Variants in ADAMTS6 observed in about 807,000 individuals in gnomAD.
The protein encoded by ADAMTS6 is ADAM metallopeptidase with thrombospondin type 1 motif 6, also known as A disintegrin and metalloproteinase with thrombospondin motifs 6.
In ADAMTS6, 23 loss-of-function variants were observed where a neutral mutation model predicts 144.3. That is an observed-to-expected ratio of 0.16 (90% CI 0.11 to 0.23). The LOEUF (loss-of-function observed/expected upper bound fraction) is 0.23. Ranked by LOEUF, ADAMTS6 falls within the 10% of genes least tolerant of loss-of-function variation. ADAMTS6 has a pLI of 1.00. For missense variants in ADAMTS6, 999 were observed against 1,379.6 expected (o/e 0.72, Z 4.37); for synonymous variants, 444 against 457.5 (o/e 0.97, Z 0.38).
intron 11 of ADAMTS6, among the ~76,000 whole-genome samples, chr5:65,275,399 GAAA>G (rs1561364314): frequency 5.5e-5 from 6 of 109,966 alleles, no homozygotes; most frequent in African/African-American, 2.0e-4. Context: ...AAGAAAGAAA[GAAA>G]GAAAGAAAGA....
chr5:65,344,919 G>C (rs192128659), intron 7 of ADAMTS6, among the ~76,000 whole-genome samples: 99 of 151,786 alleles, frequency 6.5e-4, no homozygotes, highest in African/African-American at 2.3e-3. Context: ...CTTTTCAATG[G>C]ATTTCCTGAA....
Position 65,260,629 on chromosome 5 carries a change from T to C in ADAMTS6, c.1801A>G (p.Arg601Gly), listed in dbSNP as rs779252738. ...SGGGKYCLGE[R>G]KRYRSCNTDP... ...GTGTTACAGGAGCGATACCGTTTCC[T>C]TTCCCCAAGGCAATATTTTCCACCT... The change falls in exon 14 of 25, where the codon AGG becomes GGG. Residue 601 changes from arginine (R) to glycine (G), a missense_variant. Physicochemically the swap from Arg to Gly is moderately radical, Grantham distance 125. Transcript: ENST00000381055. 6.2e-7 allele frequency: 1 copy of C among 1,613,634 alleles called. No homozygotes were observed. Among genetic ancestry groups the C allele is most frequent in the Non-Finnish European group, 8.5e-7 (1 of 1,179,774 alleles).
At chr5:65,332,379 T>A (rs533606253) in intron 8 of ADAMTS6, among the ~76,000 whole-genome samples, 121 of 150,820 alleles carry the variant, frequency 8.0e-4, no homozygotes, top group African/African-American at 2.7e-3. Flanking sequence ...TATATACACA[T>A]TTCTTCAAAT....
intron 7 of ADAMTS6, chr5:65,415,588 A>C (rs1348719260): frequency 5.4e-6 from 2 of 372,780 alleles, no homozygotes; most frequent in East Asian, 1.5e-4. Flanking sequence ...GAGGAGATCT[A>C]TCTCTTCTTC....
At chr5:65,320,691 T>C (rs1463254764) in intron 9 of ADAMTS6, among the ~76,000 whole-genome samples, 3 of 152,068 alleles carry the variant, frequency 2.0e-5, no homozygotes, top group African/African-American at 7.2e-5. Context: ...TACCCGTTAG[T>C]TGTCTTCCCA....
intron 7 of ADAMTS6, among the ~76,000 whole-genome samples, chr5:65,360,041 C>T (rs180974641): frequency 4.6e-5 from 7 of 152,150 alleles, no homozygotes. Context: ...TGCTCTTGCA[C>T]TGCTATAAAG....
At chr5:65,339,446 T>TA (rs1263021773) in intron 7 of ADAMTS6, among the ~76,000 whole-genome samples, 1 of 69,566 alleles carries the variant, frequency 1.4e-5, no homozygotes, top group African/African-American at 7.4e-5. Flanking sequence ...ATGTCAATCA[T>TA]AAAAAAAGCA....
chr5:65,354,297 C>G (rs79245146), intron 7 of ADAMTS6, among the ~76,000 whole-genome samples: 2,501 of 151,924 alleles, frequency 0.016, 35 homozygotes, highest in East Asian at 0.083. Context: ...ATGGGTTCTA[C>G]TTACAGAATT....
chr5:65,389,824 G>C (rs1752766413), intron 7 of ADAMTS6, among the ~76,000 whole-genome samples: 1 of 152,180 alleles, frequency 6.6e-6, no homozygotes. Context: ...TGGGCTTAAA[G>C]ATAGGCCAAT....
chr5:65,386,477 C>T (rs60148634), intron 7 of ADAMTS6, among the ~76,000 whole-genome samples: 4,728 of 152,192 alleles, frequency 0.031, 249 homozygotes, highest in African/African-American at 0.11. Flanking sequence ...TGTTTAACAC[C>T]GTTGATTTAC....
In ADAMTS6 at chr5:65,241,227, C is replaced by CTTTTTTT. The variant is rs58991614; in HGVS notation, c.1933+870_1933+876dup. 1.7e-5 allele frequency among the ~76,000 whole-genome samples: 2 copies of CTTTTTTT among 116,300 alleles called. 1 individual carries two copies. The highest frequency in any genetic ancestry group is 7.3e-5 in the African/African-American group (2 of 27,370). The allele number at this position is 116,300 out of a possible 152,430, so 76.3% of individuals were successfully genotyped here. A position where few individuals can be genotyped will look rare whatever the true frequency, so the allele number is the denominator to read the frequency against. On this transcript the variant is annotated intron_variant, in intron 15 of 24. Transcript: ENST00000381055. The stretch of plus-strand genomic sequence containing the variant: ...TAAACTTATCTTAAGAGTATATTTC[C>CTTTTTTT]TTTTTTTTTTTTTTTTTTTTTGAGA...
At chr5:65,311,255 AT>A (rs1744469824) in intron 9 of ADAMTS6, among the ~76,000 whole-genome samples, 1 of 152,120 alleles carries the variant, frequency 6.6e-6, no homozygotes, top group African/African-American at 2.4e-5. Context: ...AATAAAATAT[AT>A]AATACTATAT....
At chr5:65,409,470 G>C (rs1012928760) in intron 7 of ADAMTS6, among the ~76,000 whole-genome samples, 1 of 152,108 alleles carries the variant, frequency 6.6e-6, no homozygotes, top group African/African-American at 2.4e-5. Flanking sequence ...TCCCTGAATA[G>C]ACCAATAACA....
intron 3 of ADAMTS6, among the ~76,000 whole-genome samples, chr5:65,465,760 C>T (rs1461884989): frequency 6.6e-6 from 1 of 152,184 alleles, no homozygotes; most frequent in Non-Finnish European, 1.5e-5. Context: ...TTCTGGCTTC[C>T]AGAACATTTT....
At chr5:65,340,500 A>G (rs1044097419) in intron 7 of ADAMTS6, among the ~76,000 whole-genome samples, 12 of 152,120 alleles carry the variant, frequency 7.9e-5, no homozygotes, top group Admixed American at 2.6e-4. Flanking sequence ...TCAGCATTAC[A>G]GAAAACCACC....
intron 21 of ADAMTS6, among the ~76,000 whole-genome samples, chr5:65,196,332 C>G (rs971344115): frequency 6.6e-6 from 1 of 151,754 alleles, no homozygotes; most frequent in Non-Finnish European, 1.5e-5. Flanking sequence ...GTGATCCTGG[C>G]TAACACAGTG....
chr5:65,241,343 G>A (rs59755462), intron 15 of ADAMTS6, among the ~76,000 whole-genome samples: 27,007 of 148,180 alleles, frequency 0.18, 3,103 homozygotes, highest in African/African-American at 0.33. Flanking sequence ...TGATTCTCCT[G>A]CCTTAGTCTC....
chr5:65,257,385 T>C (rs1760776975), intron 14 of ADAMTS6, among the ~76,000 whole-genome samples: 1 of 152,178 alleles, frequency 6.6e-6, no homozygotes, highest in Admixed American at 6.5e-5. Flanking sequence ...TCTCCTCACC[T>C]TCTATCTCTC....
intron 9 of ADAMTS6, among the ~76,000 whole-genome samples, chr5:65,318,202 TG>T (rs1745207347): frequency 6.6e-6 from 1 of 151,718 alleles, no homozygotes; most frequent in African/African-American, 2.4e-5. Flanking sequence ...CCAGTTAAAA[TG>T]GCTTATATCC....
Sources: allele counts gnomAD v4.1 joint callset (sites outside exome capture counted in the v4.1 genomes callset), GRCh38; gene constraint gnomAD v4.1.1; transcripts MANE v1.5; gene names NCBI Gene and HGNC (gene_info 2026-07-23, HGNC 2026-07-21).